SLC41A2: variants seen among roughly 807,000 people sequenced by gnomAD.
SLC41A2 encodes the protein solute carrier family 41 member 2, also known as SLC41A1-like 1.
A neutral mutation model predicts 58.3 loss-of-function variants in SLC41A2; 32 were observed. The ratio of observed to expected loss-of-function variants is 0.55; its 90% CI spans 0.41 to 0.74. The LOEUF is 0.74. Among genes scored for constraint, SLC41A2 ranks in the 30% least tolerant of loss-of-function variants. SLC41A2 has a pLI of 0.00. For synonymous variants in SLC41A2, 190 were observed against 235.0 expected (o/e 0.81, Z 1.75); for missense variants, 514 against 680.6 (o/e 0.76, Z 2.72).
intron 2 of SLC41A2, among the ~76,000 whole-genome samples, chr12:104,919,171 T>G (rs2046471451): frequency 6.6e-6 from 1 of 152,244 alleles, no homozygotes; most frequent in African/African-American, 2.4e-5. Context: ...TTGTTGCATG[T>G]GTCAATAGTT....
Position 104,928,635 on chromosome 12 carries a change from T to C in SLC41A2, c.-108A>G, listed in dbSNP as rs2046943673. 5.4e-6 allele frequency: 3 copies of C among 559,642 alleles called. No individual in the cohort carries two copies. Among genetic ancestry groups the C allele is most frequent in the African/African-American group, 1.9e-5 (1 of 52,480 alleles). The allele number at this position is 559,642 out of a possible 1,614,324, so 34.7% of individuals were successfully genotyped here. A position where few individuals can be genotyped will look rare whatever the true frequency, so the allele number is the denominator to read the frequency against. On this transcript the variant is annotated 5_prime_UTR_variant, in exon 2 of 11. An upstream start codon of the reference 5' UTR is lost. Transcript: ENST00000258538. The stretch of plus-strand genomic sequence containing the variant: ...GGTTTAAATTAAGTTGTTGACTTCA[T>C]TGTGTAGAAAATATTTCCACTAATA...
At chr12:104,947,591 T>C (rs1006214856) in intron 1 of SLC41A2, among the ~76,000 whole-genome samples, 4 of 152,060 alleles carry the variant, frequency 2.6e-5, no homozygotes, top group Non-Finnish European at 5.9e-5. Context: ...ATATAACTTA[T>C]CCTATTTTTC....
rs1375516247 is a variant in SLC41A2, at chr12:104,804,422, G to C, written c.*730C>G. ...TCTCAGGTTATATTCTGTTTTTGAAGATTACATTTTTTAAAACACATCAAC... is the reference window on the plus strand; with the variant it reads ...TCTCAGGTTATATTCTGTTTTTGAACATTACATTTTTTAAAACACATCAAC... On this transcript the variant is annotated 3_prime_UTR_variant, in exon 11 of 11. Transcript: ENST00000258538. The C allele has an allele frequency of 6.6e-6, 1 of 151,948 alleles. No individual in the cohort carries two copies. The allele number at this position is 151,948 out of a possible 1,614,324, so 9.4% of individuals were successfully genotyped here.
intron 2 of SLC41A2, among the ~76,000 whole-genome samples, chr12:104,915,316 T>A (rs2046264999): frequency 6.6e-6 from 1 of 152,144 alleles, no homozygotes; most frequent in African/African-American, 2.4e-5. Flanking sequence ...ATGGAAAAAA[T>A]TTTTATTGTC....
intron 1 of SLC41A2, among the ~76,000 whole-genome samples, chr12:104,954,619 T>C (rs2048077510): frequency 6.6e-6 from 1 of 152,236 alleles, no homozygotes; most frequent in Admixed American, 6.5e-5. Flanking sequence ...TTGATAATAA[T>C]TTCATTAGTT....
rs148793085 is a variant in SLC41A2 at position 104,946,200 on chromosome 12, T to C, written c.-168+11888A>G. Among the ~76,000 whole-genome samples, 1,027 of 152,318 alleles carry C rather than the reference T, an allele frequency of 6.7e-3. 9 individuals are homozygous for C. The highest frequency in any genetic ancestry group is 0.024 in the African/African-American group (980 of 41,570). The stretch of plus-strand genomic sequence containing the variant: ...TAGCATAGGAGTTTTAAATTCAAGT[T>C]ATAAAATCCATACACAATCAAAATC... On this transcript the variant is annotated intron_variant, in intron 1 of 10. Coordinates refer to ENST00000258538, the MANE Select transcript of SLC41A2 (RefSeq NM_001352171.3).
In SLC41A2 at chr12:104,866,418, A is replaced by T. The variant is rs773647459; in HGVS notation, c.1175+14T>A. ...CACACACACACACACACACACACAT[A>T]TTTTAATACTAACCTACTTATAACC... On this transcript the variant is annotated intron_variant, in intron 7 of 10. Coordinates refer to ENST00000258538, the MANE Select transcript of SLC41A2 (RefSeq NM_001352171.3). The T allele has an allele frequency of 3.1e-6, 5 of 1,594,212 alleles. No individual in the cohort carries two copies. The Admixed American group carries it at 5.1e-5, about 16-fold the overall frequency.
At chr12:104,822,961 AAG>A (rs1269011896) in intron 10 of SLC41A2, among the ~76,000 whole-genome samples, 1 of 152,186 alleles carries the variant, frequency 6.6e-6, no homozygotes, top group African/African-American at 2.4e-5. Context: ...AAACTATAAA[AAG>A]AATTTTGTTT....
At chr12:104,920,733 G>A (rs1218913868) in intron 2 of SLC41A2, among the ~76,000 whole-genome samples, 1 of 151,760 alleles carries the variant, frequency 6.6e-6, no homozygotes, top group Admixed American at 6.6e-5. Flanking sequence ...GACCATCCTG[G>A]CTAACACAGT....
In SLC41A2 at chr12:104,955,171, A is replaced by T. The variant is rs547327984; in HGVS notation, c.-168+2917T>A. Among the ~76,000 whole-genome samples, 28 of 151,928 alleles carry T rather than the reference A, an allele frequency of 1.8e-4. No individual in the cohort carries two copies. The South Asian group carries it at 3.1e-3, about 17-fold the overall frequency. ...GCTGGGATTACAGGTGCCCGCCAGC[A>T]CACCAGGCTAATTTTTGTATTTTTA... On this transcript the variant is annotated intron_variant, in intron 1 of 10. Transcript: ENST00000258538.
chr12:104,804,999 A>G lies in SLC41A2; in HGVS notation c.*153T>C. 3.6e-6 allele frequency: 2 copies of G among 549,470 alleles called. No homozygotes were observed. The highest frequency in any genetic ancestry group is 6.2e-6 in the Non-Finnish European group (2 of 321,528). 34.0% of individuals were successfully genotyped at this position (549,470 alleles called of 1,614,324 possible). Reference sequence around the variant, plus strand: ...ATTCTGGTTTTGACACAAATTCCTTAAAAAAAAATTAAGGCCATTTAATTG... The same window carrying G: ...ATTCTGGTTTTGACACAAATTCCTTGAAAAAAAATTAAGGCCATTTAATTG... On this transcript the variant is annotated 3_prime_UTR_variant, in exon 11 of 11. Transcript: ENST00000258538.
intron 10 of SLC41A2, among the ~76,000 whole-genome samples, chr12:104,840,049 T>C (rs1490102828): frequency 6.6e-6 from 1 of 152,342 alleles, no homozygotes; most frequent in East Asian, 1.9e-4. Flanking sequence ...CTTCTCAGGT[T>C]TATTATGCTG....
At chr12:104,813,517 T>C (rs997941271) in intron 10 of SLC41A2, among the ~76,000 whole-genome samples, 2 of 152,068 alleles carry the variant, frequency 1.3e-5, no homozygotes, top group Non-Finnish European at 2.9e-5. Flanking sequence ...TAGGGATAAA[T>C]AACAAAATAA....
At chr12:104,805,895 A>G (rs1009324935) in intron 10 of SLC41A2, among the ~76,000 whole-genome samples, 6 of 152,144 alleles carry the variant, frequency 3.9e-5, no homozygotes, top group Non-Finnish European at 8.8e-5. Flanking sequence ...ATATACATAA[A>G]ATGGAAATAT....
intron 10 of SLC41A2, among the ~76,000 whole-genome samples, chr12:104,806,460 A>G (rs888047334): frequency 7.2e-5 from 11 of 152,086 alleles, no homozygotes; most frequent in African/African-American, 2.7e-4. Context: ...AATCCAGTCT[A>G]TCATTGTTGG....
chr12:104,915,738 T>G (rs2046289288), intron 2 of SLC41A2, among the ~76,000 whole-genome samples: 1 of 152,192 alleles, frequency 6.6e-6, no homozygotes, highest in Non-Finnish European at 1.5e-5. Context: ...GACTTCCTCT[T>G]TTCCTAATTG....
chr12:104,950,543 G>A (rs1210211862), intron 1 of SLC41A2, among the ~76,000 whole-genome samples: 1 of 152,224 alleles, frequency 6.6e-6, no homozygotes, highest in African/African-American at 2.4e-5. Flanking sequence ...TTATAGCACT[G>A]TGAGAACGGA....
At chr12:104,927,902 A>T in intron 2 of SLC41A2, 71 bp downstream of exon 2, 1 of 1,383,536 alleles carries the variant, frequency 7.2e-7, no homozygotes, top group Non-Finnish European at 9.7e-7. Context: ...GTAGTAACCT[A>T]CATAAAGCAT....
chr12:104,826,446 G>A (rs2041848883), intron 10 of SLC41A2, among the ~76,000 whole-genome samples: 1 of 152,136 alleles, frequency 6.6e-6, no homozygotes, highest in Non-Finnish European at 1.5e-5. Flanking sequence ...CCCTGTGTTT[G>A]CTGTCTCAGG....
Sources: gnomAD v4.1 joint callset for allele counts (sites outside exome capture counted in the v4.1 genomes callset) on GRCh38, gnomAD v4.1.1 for gene constraint, MANE v1.5 for transcripts, NCBI Gene and HGNC (gene_info 2026-07-23, HGNC 2026-07-21) for gene names.